The following ARL10 variants were observed in gnomAD, a reference collection of about 807,000 sequenced individuals.
ARL10 encodes ADP-ribosylation factor-like protein 10.
ARL10 carries 23 observed loss-of-function variants against 26.1 expected under a neutral mutation model. The observed-to-expected ratio is 0.88, with a 90% CI of 0.63 to 1.25. The LOEUF (loss-of-function observed/expected upper bound fraction) is 1.25, where lower values mean the gene tolerates loss of function less well. Ranked by LOEUF, ARL10 falls within the 50% of genes most tolerant of loss-of-function variation. The pLI is 0.00. For synonymous variants in ARL10, 138 were observed against 149.1 expected (o/e 0.93, Z 0.54); for missense variants, 300 against 323.6 (o/e 0.93, Z 0.56).
exon 2 of ARL10, chr5:176,401,837 C>T (rs1581432961): frequency 8.9e-6 from 4 of 451,542 alleles, no homozygotes; most frequent in South Asian, 6.2e-5. Flanking sequence ...TCCCATCCCC[C>T]GTGCAAGTCA....
In ARL10 at chr5:176,376,569, A is replaced by G. The variant is rs1322495166; in HGVS notation, c.*4674A>G. ...AGATTATGGTCCCACGGATTTTCCC[A>G]TAAAGAAAGGGAAAGGATTTGCGGA... On this transcript the variant is annotated 3_prime_UTR_variant, in exon 4 of 4. Coordinates refer to ENST00000310389, the MANE Select transcript of ARL10 (RefSeq NM_173664.6). 1 of 152,220 alleles carries G rather than the reference A, an allele frequency of 6.6e-6. No homozygotes were observed. Among genetic ancestry groups the G allele is most frequent in the African/African-American group, 2.4e-5 (1 of 41,456 alleles). The allele number at this position is 152,220 out of a possible 1,614,324, so 9.4% of individuals were successfully genotyped here. A position where few individuals can be genotyped will look rare whatever the true frequency, so the allele number is the denominator to read the frequency against.
At chr5:176,386,458 C>T, downstream of ARL10, 1 of 350,588 alleles carries the variant, frequency 2.9e-6, no homozygotes, top group Non-Finnish European at 5.6e-6. Context: ...CTCTCTATAG[C>T]CTTAATATAC....
intron 1 of ARL10, among the ~76,000 whole-genome samples, chr5:176,394,373 G>C (rs1371637604): frequency 6.6e-6 from 1 of 152,220 alleles, no homozygotes; most frequent in Non-Finnish European, 1.5e-5. Flanking sequence ...GTAATTCATA[G>C]GCATGTGAAA....
intron 1 of ARL10, among the ~76,000 whole-genome samples, chr5:176,401,413 T>C (rs996647195): frequency 5.9e-5 from 9 of 152,208 alleles, no homozygotes; most frequent in Non-Finnish European, 1.2e-4. Context: ...TGAGCAAACA[T>C]GTACTGAGCC....
downstream of ARL10, chr5:176,388,664 T>C (rs1412312235): frequency 7.6e-7 from 1 of 1,316,694 alleles, no homozygotes; most frequent in East Asian, 2.3e-5. Flanking sequence ...AGTCCTTTTG[T>C]AGCACTACCG....
At chr5:176,396,890 T>C (rs999183075) in intron 1 of ARL10, among the ~76,000 whole-genome samples, 1 of 152,128 alleles carries the variant, frequency 6.6e-6, no homozygotes, top group African/African-American at 2.4e-5. Flanking sequence ...TGGCCCCCTG[T>C]TGCCTAATAC....
chr5:176,386,984 A>T (rs756946627), intron 1 of ARL10: 1 of 1,270,736 alleles, frequency 7.9e-7, no homozygotes, highest in Non-Finnish European at 1.2e-6. Flanking sequence ...TTATCCCAAC[A>T]CAACTACTAA....
At chr5:176,386,924 G>A (rs773516728) in intron 1 of ARL10, 14 of 1,612,264 alleles carry the variant, frequency 8.7e-6, no homozygotes, top group Admixed American at 1.7e-5. Flanking sequence ...AGAGAACAGA[G>A]CCCTTGAGAC....
In ARL10 at chr5:176,380,153, T is replaced by G. The variant is rs1322832655; in HGVS notation, c.*8258T>G. The G allele has an allele frequency of 6.6e-6, 1 of 152,202 alleles. No homozygotes were observed. Among genetic ancestry groups the G allele is most frequent in the Non-Finnish European group, 1.5e-5 (1 of 68,052 alleles). The allele number at this position is 152,202 out of a possible 1,614,324, so 9.4% of individuals were successfully genotyped here. ...AAAGGTAACTGAGCAAAAGGGTTAC[T>G]GTACTCAAAGCATCGAGGCAAAGAA... is the stretch of plus-strand genomic sequence containing the variant. On this transcript the variant is annotated 3_prime_UTR_variant, in exon 4 of 4. Coordinates refer to ENST00000310389, the MANE Select transcript of ARL10 (RefSeq NM_173664.6).
At chr5:176,390,523 G>A (rs1213661251), downstream of ARL10, among the ~76,000 whole-genome samples, 3 of 152,226 alleles carry the variant, frequency 2.0e-5, no homozygotes, top group Non-Finnish European at 2.9e-5. Context: ...TCCGCCTCCC[G>A]GGCTCAAGCA....
chr5:176,384,787 G>A (rs1378446097), downstream of ARL10: 2 of 377,594 alleles, frequency 5.3e-6, no homozygotes, highest in Non-Finnish European at 9.5e-6. Context: ...AGACCAGGAA[G>A]GCCTGAGAGT....
downstream of ARL10, among the ~76,000 whole-genome samples, chr5:176,383,696 C>T (rs1042102699): frequency 3.9e-5 from 6 of 152,364 alleles, no homozygotes; most frequent in African/African-American, 7.2e-5. Flanking sequence ...GGGGGACTAG[C>T]GTGGGCAAGG....
chr5:176,404,535 C>G (rs1437995392), downstream of ARL10, among the ~76,000 whole-genome samples: 1 of 152,230 alleles, frequency 6.6e-6, no homozygotes, highest in Non-Finnish European at 1.5e-5. Context: ...TCTTCTGACT[C>G]CATCTAAACC....
At chr5:176,399,636 G>A (rs1240517803) in intron 1 of ARL10, among the ~76,000 whole-genome samples, 1 of 152,134 alleles carries the variant, frequency 6.6e-6, no homozygotes, top group African/African-American at 2.4e-5. Flanking sequence ...GCTCACGCCT[G>A]TAATTCCAGC....
chr5:176,372,202 G>A lies in ARL10; in HGVS notation c.*307G>A. On this transcript the variant is annotated 3_prime_UTR_variant, in exon 4 of 4. Coordinates refer to ENST00000310389, the MANE Select transcript of ARL10 (RefSeq NM_173664.6). Reference sequence around the variant, plus strand: ...TACCTGTACAGTGAGATGCTCAGTGGGCTCAATCCTCCACTACAGGTCCCG... The same window carrying A: ...TACCTGTACAGTGAGATGCTCAGTGAGCTCAATCCTCCACTACAGGTCCCG... The A allele has an allele frequency of 1.4e-6, 1 of 700,852 alleles. No homozygotes were observed. The highest frequency in any genetic ancestry group is 2.0e-6 in the Non-Finnish European group (1 of 512,148). 43.4% of individuals were successfully genotyped at this position (700,852 alleles called of 1,614,324 possible).
At chr5:176,366,308 G>A (rs1402297574) in intron 1 of ARL10, 72 bp from the exon 2 acceptor site, 2 of 1,513,134 alleles carry the variant, frequency 1.3e-6, no homozygotes, top group African/African-American at 1.4e-5. Context: ...GCCCTCTGGT[G>A]CCTTCGGTCT....
At chr5:176,402,840 C>T (rs555226272), downstream of ARL10, among the ~76,000 whole-genome samples, 84 of 152,222 alleles carry the variant, frequency 5.5e-4, 1 homozygote, top group South Asian at 0.017. Context: ...CCATTCTCGC[C>T]TGGGGACAGA....
At chr5:176,390,114 G>A (rs527759126), downstream of ARL10, among the ~76,000 whole-genome samples, 139 of 150,888 alleles carry the variant, frequency 9.2e-4, no homozygotes, top group Non-Finnish European at 1.6e-3. Context: ...CCCGGGAGGC[G>A]GAGGTTGTGG....
chr5:176,386,593 C>T (rs1222571065), downstream of ARL10: 7 of 581,966 alleles, frequency 1.2e-5, no homozygotes, highest in Non-Finnish European at 2.2e-5. Flanking sequence ...TCTATTCTCC[C>T]AGGCACCTGG....
Sources: allele counts gnomAD v4.1 joint callset (sites outside exome capture counted in the v4.1 genomes callset), GRCh38; gene constraint gnomAD v4.1.1; transcripts MANE v1.5; gene names NCBI Gene and HGNC (gene_info 2026-07-23, HGNC 2026-07-21).